The following GALNT17 variants were observed in gnomAD, a reference collection of about 807,000 sequenced individuals.
The protein encoded by GALNT17 is polypeptide N-acetylgalactosaminyltransferase 17.
In GALNT17, 29 loss-of-function variants were observed where a neutral mutation model predicts 63.7. That is an observed-to-expected ratio of 0.46 (90% CI 0.34 to 0.62). The LOEUF (loss-of-function observed/expected upper bound fraction) is 0.62, where lower values mean the gene tolerates loss of function less well. GALNT17 is among the 20% of genes least tolerant of loss of function. The probability of loss-of-function intolerance (pLI) is 0.01; values close to 1 mark genes in which losing one functional copy is unlikely to be tolerated. For missense variants in GALNT17, 603 were observed against 799.6 expected (o/e 0.75, Z 2.97); for synonymous variants, 305 against 318.3 (o/e 0.96, Z 0.45).
At chr7:71,191,410 A>G (rs1333272307) in intron 1 of GALNT17, among the ~76,000 whole-genome samples, 2 of 151,828 alleles carry the variant, frequency 1.3e-5, no homozygotes, top group African/African-American at 4.8e-5. Context: ...AAAGAAGCGG[A>G]AAATAAATAT....
At chr7:71,246,115 GTTT>G (rs61447370) in intron 1 of GALNT17, among the ~76,000 whole-genome samples, 9,848 of 92,550 alleles carry the variant, frequency 0.11, 402 homozygotes, top group Middle Eastern at 0.13. Context: ...TTTTTTCGTT[GTTT>G]TTTTTTTTTT....
chr7:71,435,036 C>T (rs1443539635), intron 5 of GALNT17, among the ~76,000 whole-genome samples: 1 of 152,092 alleles, frequency 6.6e-6, no homozygotes, highest in Non-Finnish European at 1.5e-5. Flanking sequence ...AAATATTACT[C>T]AGGAATATGG....
At chr7:71,273,554 G>T (rs1790630041) in intron 1 of GALNT17, among the ~76,000 whole-genome samples, 1 of 152,158 alleles carries the variant, frequency 6.6e-6, no homozygotes, top group African/African-American at 2.4e-5. Flanking sequence ...TCAGCAAATG[G>T]TTGAATCAAG....
At chr7:71,455,588 G>GGAAA (rs1787340415) in intron 5 of GALNT17, among the ~76,000 whole-genome samples, 1 of 151,540 alleles carries the variant, frequency 6.6e-6, no homozygotes, top group Middle Eastern at 3.2e-3. Flanking sequence ...ATCACTATGA[G>GGAAA]GAAAGCGCTG....
At chr7:71,513,786 A>G (rs1237398362) in intron 5 of GALNT17, among the ~76,000 whole-genome samples, 2 of 152,182 alleles carry the variant, frequency 1.3e-5, no homozygotes, top group East Asian at 3.8e-4. Flanking sequence ...ACATGGAAGA[A>G]AGGCTTTCTG....
At chr7:71,301,531 T>C (rs1202304649) in intron 1 of GALNT17, among the ~76,000 whole-genome samples, 1 of 151,502 alleles carries the variant, frequency 6.6e-6, no homozygotes, top group African/African-American at 2.4e-5. Flanking sequence ...TGTGTTGCTG[T>C]TAGTCTTGTA....
intron 6 of GALNT17, among the ~76,000 whole-genome samples, chr7:71,648,779 A>G (rs1343367462): frequency 6.6e-6 from 1 of 152,118 alleles, no homozygotes; most frequent in African/African-American, 2.4e-5. Context: ...GATCAGGCAT[A>G]AAAGTAGCTA....
At chr7:71,259,093 G>A (rs1008731905) in intron 1 of GALNT17, among the ~76,000 whole-genome samples, 14 of 152,124 alleles carry the variant, frequency 9.2e-5, no homozygotes, top group African/African-American at 2.4e-4. Context: ...CCACTGGAGC[G>A]GGGAGACCTA....
At chr7:71,591,698 T>C (rs909144072) in intron 6 of GALNT17, among the ~76,000 whole-genome samples, 1 of 152,172 alleles carries the variant, frequency 6.6e-6, no homozygotes, top group African/African-American at 2.4e-5. Context: ...AGTCTTGCTC[T>C]GTTACCCAGG....
chr7:71,163,957 G>C (rs1353900686), intron 1 of GALNT17, among the ~76,000 whole-genome samples: 1 of 152,176 alleles, frequency 6.6e-6, no homozygotes, highest in East Asian at 1.9e-4. Flanking sequence ...AAGTACTGTA[G>C]AGACTGTCTG....
chr7:71,231,747 A>T (rs1025819826), intron 1 of GALNT17, among the ~76,000 whole-genome samples: 4 of 149,534 alleles, frequency 2.7e-5, no homozygotes, highest in Admixed American at 2.0e-4. Flanking sequence ...AGGGAGGGAG[A>T]GGGAGAGAGA....
chr7:71,162,899 A>T (rs1788374137), intron 1 of GALNT17, among the ~76,000 whole-genome samples: 1 of 152,164 alleles, frequency 6.6e-6, no homozygotes, highest in Non-Finnish European at 1.5e-5. Flanking sequence ...ACTCAAAAGG[A>T]GTGACATGCT....
chr7:71,302,643 G>A (rs903386827), intron 1 of GALNT17, among the ~76,000 whole-genome samples: 2 of 152,114 alleles, frequency 1.3e-5, no homozygotes, highest in Admixed American at 6.5e-5. Flanking sequence ...GACAAAGCTA[G>A]GCTGAATTGA....
intron 1 of GALNT17, among the ~76,000 whole-genome samples, chr7:71,321,275 C>T (rs1236367178): frequency 6.6e-6 from 1 of 152,212 alleles, no homozygotes; most frequent in African/African-American, 2.4e-5. Context: ...TCCATCTGCT[C>T]TGAGAAAATT....
At chr7:71,366,688 T>C (rs1456614894) in intron 2 of GALNT17, among the ~76,000 whole-genome samples, 1 of 152,204 alleles carries the variant, frequency 6.6e-6, no homozygotes, top group East Asian at 1.9e-4. Flanking sequence ...TCTGCTGTTT[T>C]CTTATGCATG....
intron 2 of GALNT17, among the ~76,000 whole-genome samples, chr7:71,345,809 T>A (rs534279207): frequency 2.0e-5 from 3 of 152,248 alleles, no homozygotes; most frequent in Admixed American, 1.3e-4. Context: ...GAGCTTTTTT[T>A]ATATGAATCA....
Position 71,713,478 on chromosome 7 carries a change from C to T in GALNT17, c.*1332C>T, listed in dbSNP as rs891888790. On this transcript the variant is annotated 3_prime_UTR_variant, in exon 11 of 11. Coordinates refer to ENST00000333538, the MANE Select transcript of GALNT17 (RefSeq NM_022479.3). Reference sequence around the variant, plus strand: ...GGCCAAGCCCTGCCCAGAGCTGAACCCTGTAGCTGCCCCCTTGCCCTGTGT... The same window carrying T: ...GGCCAAGCCCTGCCCAGAGCTGAACTCTGTAGCTGCCCCCTTGCCCTGTGT... 1 of 152,560 alleles carries T rather than the reference C, an allele frequency of 6.6e-6. No individual in the cohort carries two copies. Among genetic ancestry groups the T allele is most frequent in the Admixed American group, 6.5e-5 (1 of 15,294 alleles). The allele number at this position is 152,560 out of a possible 1,614,324, so 9.5% of individuals were successfully genotyped here.
At chr7:71,710,369 G>T (rs1030887595) in intron 9 of GALNT17, among the ~76,000 whole-genome samples, 2 of 152,166 alleles carry the variant, frequency 1.3e-5, no homozygotes, top group African/African-American at 4.8e-5. Flanking sequence ...TTAGCCGTGT[G>T]TGGTGGTGCG....
Position 71,392,116 on chromosome 7 carries a change from C to A in GALNT17, c.589+3715C>A, listed in dbSNP as rs180984329. On this transcript the variant is annotated intron_variant, in intron 3 of 10. Transcript: ENST00000333538. ...ATTTCAACATGAGATTTGGAGGGGACAAATATTCAAACCATATAGTAGGTA... is the reference window on the plus strand; with the variant it reads ...ATTTCAACATGAGATTTGGAGGGGAAAAATATTCAAACCATATAGTAGGTA... Among the ~76,000 whole-genome samples the A allele has an allele frequency of 1.2e-3, 184 of 152,260 alleles. 2 individuals are homozygous for A. The highest frequency in any genetic ancestry group is 6.4e-3 in the Admixed American group (98 of 15,288).
Sources: gnomAD v4.1 joint callset for allele counts (sites outside exome capture counted in the v4.1 genomes callset) on GRCh38, gnomAD v4.1.1 for gene constraint, MANE v1.5 for transcripts, NCBI Gene and HGNC (gene_info 2026-07-23, HGNC 2026-07-21) for gene names.